Variants in UBE2O observed in about 807,000 individuals in gnomAD.
UBE2O encodes the protein ubiquitin conjugating enzyme E2 O.
UBE2O carries 15 observed loss-of-function variants against 125.8 expected under a neutral mutation model. The ratio of observed to expected loss-of-function variants is 0.12; its 90% confidence interval spans 0.08 to 0.18. The LOEUF (loss-of-function observed/expected upper bound fraction) is 0.18, where lower values mean the gene tolerates loss of function less well. UBE2O is among the 10% of genes least tolerant of loss of function. The pLI is 1.00. For missense variants in UBE2O, 1,280 were observed against 1,723.6 expected (o/e 0.74, Z 4.56); for synonymous variants, 708 against 703.2 (o/e 1.01, Z -0.11).
chr17:76,397,785 T>G lies in UBE2O; in HGVS notation c.2115+14A>C. 1 of 1,613,938 alleles carries G rather than the reference T, an allele frequency of 6.2e-7. No individual in the cohort carries two copies. The highest frequency in any genetic ancestry group is 8.5e-7 in the Non-Finnish European group (1 of 1,179,838). ...AGTCACAAGCTCAGCAGGGGGGTCT[T>G]GCCAGAGCCTCACCTGGGGCAGGAT... On this transcript the variant is annotated intron_variant, in intron 13 of 17. Transcript: ENST00000319380.
Position 76,395,861 on chromosome 17 carries a change from G to A in UBE2O, c.2810C>T (p.Ser937Leu), listed in dbSNP as rs143060633. ...EVFSVLEFAP[S>L]NHSFKKIEFQ... ...CTCAATTTTCTTAAAAGAATGATTTGCTAGAGGGGGGAAGAGAATAGTCAG... is the reference window on the plus strand; with the variant it reads ...CTCAATTTTCTTAAAAGAATGATTTACTAGAGGGGGGAAGAGAATAGTCAG... The change falls in exon 15 of 18, where the codon TCA (serine) becomes TTA (leucine). Residue 937 changes from serine (S) to leucine (L), a missense_variant and splice_region_variant. Physicochemically the swap from Ser to Leu is moderately radical, Grantham distance 145 (BLOSUM62 -2). Around this residue, in one of 10 missense-constraint regions of UBE2O, gnomAD observed 116 missense variants for 154.8 expected, o/e 0.75. Transcript: ENST00000319380. This position sits in a 1 kb window ranked among gnomAD's most constrained non-coding sequence, Gnocchi z 5.0. 1.1e-5 allele frequency: 18 copies of A among 1,614,142 alleles called. No individual in the cohort carries two copies. The African/African-American group carries it at 2.4e-4, about 22-fold the overall frequency.
chr17:76,432,150 A>T (rs2072916887), intron 1 of UBE2O, among the ~76,000 whole-genome samples: 1 of 152,208 alleles, frequency 6.6e-6, no homozygotes, highest in African/African-American at 2.4e-5. Context: ...AGGCAGCAGC[A>T]GCCAAGAGCC....
chr17:76,397,152 G>A (rs2072225034), intron 13 of UBE2O, among the ~76,000 whole-genome samples: 1 of 152,248 alleles, frequency 6.6e-6, no homozygotes, highest in Non-Finnish European at 1.5e-5. Flanking sequence ...CACCTGAAAA[G>A]CGCAGGGTCA....
chr17:76,440,228 A>G (rs2073057216), intron 1 of UBE2O, among the ~76,000 whole-genome samples: 1 of 152,226 alleles, frequency 6.6e-6, no homozygotes, highest in Non-Finnish European at 1.5e-5. Flanking sequence ...AAAAGAACGC[A>G]CAGTCTCTCA....
At chr17:76,429,717 A>G (rs2072872295) in intron 1 of UBE2O, among the ~76,000 whole-genome samples, 1 of 152,100 alleles carries the variant, frequency 6.6e-6, no homozygotes, top group Admixed American at 6.5e-5. Context: ...TGTTGCTGAC[A>G]TGCTCATTTT....
chr17:76,438,842 G>A (rs960537419), intron 1 of UBE2O, among the ~76,000 whole-genome samples: 2 of 151,062 alleles, frequency 1.3e-5, no homozygotes, highest in Admixed American at 6.6e-5. Flanking sequence ...TGAGAAGTCA[G>A]CACCTCTAGC....
chr17:76,389,863 A>G lies in UBE2O; in HGVS notation c.*1080T>C, dbSNP rs1275165187. On this transcript the variant is annotated 3_prime_UTR_variant, in exon 18 of 18. Transcript: ENST00000319380. ...TTTTGAGTTTTTTTTCCAACCTTAA[A>G]TATTACATACATACACCAAAAATTA... 3 of 152,444 alleles carry G rather than the reference A, an allele frequency of 2.0e-5. No homozygotes were observed. The highest frequency in any genetic ancestry group is 6.5e-5 in the Admixed American group (1 of 15,276). The allele number at this position is 152,444 out of a possible 1,614,324, so 9.4% of individuals were successfully genotyped here.
intron 1 of UBE2O, among the ~76,000 whole-genome samples, chr17:76,416,212 A>G (rs1049262987): frequency 6.6e-6 from 1 of 151,762 alleles, no homozygotes; most frequent in African/African-American, 2.4e-5. Context: ...GTGTGTGTAT[A>G]TGTATGTATA....
At chr17:76,429,328 G>A (rs1435997546) in intron 1 of UBE2O, among the ~76,000 whole-genome samples, 1 of 151,856 alleles carries the variant, frequency 6.6e-6, no homozygotes, top group Non-Finnish European at 1.5e-5. Context: ...GATCACTTGA[G>A]CTCAGGAGTT....
chr17:76,403,070 G>C (rs2072356349), intron 3 of UBE2O, among the ~76,000 whole-genome samples: 1 of 152,158 alleles, frequency 6.6e-6, no homozygotes, highest in South Asian at 2.1e-4. Flanking sequence ...CCACACCACT[G>C]GGGGGTGGCT....
chr17:76,426,662 T>C (rs1415061040), intron 1 of UBE2O, among the ~76,000 whole-genome samples: 1 of 152,240 alleles, frequency 6.6e-6, no homozygotes, highest in African/African-American at 2.4e-5. Context: ...ATATCCCTCC[T>C]ACACTTCCCA....
At chr17:76,447,760 A>C (rs1452615008) in intron 1 of UBE2O, among the ~76,000 whole-genome samples, 1 of 152,152 alleles carries the variant, frequency 6.6e-6, no homozygotes, top group East Asian at 1.9e-4. Context: ...CCCCTGAAAC[A>C]ACCACCTTCC....
chr17:76,406,538 G>C (rs1418331937), intron 1 of UBE2O, among the ~76,000 whole-genome samples: 2 of 151,484 alleles, frequency 1.3e-5, no homozygotes, highest in Non-Finnish European at 2.9e-5. Context: ...GGAAGATACT[G>C]GCTCAAGGTC....
chr17:76,436,458 G>C (rs555197097), intron 1 of UBE2O, among the ~76,000 whole-genome samples: 20 of 152,116 alleles, frequency 1.3e-4, no homozygotes, highest in African/African-American at 4.6e-4. Flanking sequence ...CAAATAAGAG[G>C]ATGACTCCAG....
chr17:76,451,977 A>G (rs1284173933), intron 1 of UBE2O, among the ~76,000 whole-genome samples: 1 of 152,138 alleles, frequency 6.6e-6, no homozygotes, highest in Non-Finnish European at 1.5e-5. Flanking sequence ...CAGGTCAAGA[A>G]AAAACCTTCG....
intron 1 of UBE2O, among the ~76,000 whole-genome samples, chr17:76,448,885 T>C (rs561532906): frequency 1.3e-5 from 2 of 152,388 alleles, no homozygotes; most frequent in East Asian, 1.9e-4. Flanking sequence ...GCAAGCCTCC[T>C]CTAAGGAGAT....
chr17:76,416,011 A>G lies in UBE2O; in HGVS notation c.418-10439T>C, dbSNP rs536660342. Among the ~76,000 whole-genome samples the G allele has an allele frequency of 1.0e-4, 15 of 145,654 alleles. No individual in the cohort carries two copies. The East Asian group carries it at 2.8e-3, about 27-fold the overall frequency. On this transcript the variant is annotated intron_variant, in intron 1 of 17. Transcript: ENST00000319380. ...CACATACACGTATATACGTATGTGT[A>G]TACATATGTACACACACGTATATAT...
chr17:76,402,493 C>T lies in UBE2O; in HGVS notation c.686+109G>A. 2.1e-6 allele frequency: 2 copies of T among 966,770 alleles called. No individual in the cohort carries two copies. Among genetic ancestry groups the T allele is most frequent in the Middle Eastern group, 2.1e-4 (1 of 4,726 alleles). The allele number at this position is 966,770 out of a possible 1,614,324, so 59.9% of individuals were successfully genotyped here. A position where few individuals can be genotyped will look rare whatever the true frequency, so the allele number is the denominator to read the frequency against. On this transcript the variant is annotated intron_variant, in intron 4 of 17. Coordinates refer to ENST00000319380, the MANE Select transcript of UBE2O (RefSeq NM_022066.4). This position sits in a 1 kb window ranked among gnomAD's most constrained non-coding sequence, Gnocchi z 5.4. ...GATGCCTGCAACATCTGTCACTGCC[C>T]TTGATCAAACCTGTCATCACTGTCC...
chr17:76,421,149 G>A (rs2072703707), intron 1 of UBE2O, among the ~76,000 whole-genome samples: 2 of 152,144 alleles, frequency 1.3e-5, no homozygotes, highest in South Asian at 4.1e-4. Context: ...GCTCCAAAAG[G>A]CCGTTGCTCC....
Sources: gnomAD v4.1 joint callset for allele counts (sites outside exome capture counted in the v4.1 genomes callset) on GRCh38, gnomAD v4.1.1 for gene constraint, gnomAD v4.1.1 regional missense constraint, Gnocchi (gnomAD v3.1) non-coding constraint, MANE v1.5 for transcripts, NCBI Gene and HGNC (gene_info 2026-07-23, HGNC 2026-07-21) for gene names.